Variants in NEXMIF observed in about 807,000 individuals in gnomAD.
NEXMIF encodes XLMR protein related to neurite extension.
A neutral mutation model predicts 62.1 loss-of-function variants in NEXMIF; 8 were observed. The observed-to-expected ratio is 0.13, with a 90% confidence interval of 0.08 to 0.23. The LOEUF is 0.23. Among genes scored for constraint, NEXMIF ranks in the 10% least tolerant of loss-of-function variants. NEXMIF has a pLI of 1.00. For synonymous variants in NEXMIF, 404 were observed against 416.6 expected (o/e 0.97, Z 0.37); for missense variants, 976 against 1,113.3 (o/e 0.88, Z 1.75).
intron 1 of NEXMIF, among the ~76,000 whole-genome samples, chrX:74,814,525 C>T (rs1027146874): frequency 4.5e-5 from 5 of 111,831 alleles, no homozygotes; most frequent in Non-Finnish European, 9.4e-5. Flanking sequence ...AGGTCTCTTG[C>T]TATTTCCTGG....
At chrX:74,870,087 G>A (rs902414330) in intron 1 of NEXMIF, among the ~76,000 whole-genome samples, 4 of 111,393 alleles carry the variant, frequency 3.6e-5, no homozygotes, top group African/African-American at 1.3e-4. Context: ...CAGAGCTATA[G>A]TAACCAAAAG....
intron 1 of NEXMIF, among the ~76,000 whole-genome samples, chrX:74,841,951 G>T (rs1014743875): frequency 9.0e-6 from 1 of 111,534 alleles, no homozygotes; most frequent in African/African-American, 3.3e-5. Context: ...TTTTGCTGTT[G>T]TGTCTCCGCC....
chrX:74,761,178 T>C (rs186680525), intron 1 of NEXMIF, among the ~76,000 whole-genome samples: 1 of 111,062 alleles, frequency 9.0e-6, no homozygotes, highest in Non-Finnish European at 1.9e-5. Context: ...CCCAAAGTTT[T>C]ATTTTTTGTT....
At chrX:74,801,175 A>G (rs1367340379) in intron 1 of NEXMIF, among the ~76,000 whole-genome samples, 2 of 112,041 alleles carry the variant, frequency 1.8e-5, no homozygotes, top group Non-Finnish European at 3.8e-5. Context: ...AGTGCTGAAT[A>G]ATATTTCATT....
chrX:74,738,155 T>C lies in NEXMIF; in HGVS notation c.*1250A>G, dbSNP rs990021871. On this transcript the variant is annotated 3_prime_UTR_variant, in exon 4 of 4. Coordinates refer to ENST00000055682, the MANE Select transcript of NEXMIF (RefSeq NM_001008537.3). ...AGTAGGGGGAGTACTGAATAAAAAA[T>C]GTGATTTAAAAATTTGTACTTAAAA... 1.9e-4 allele frequency: 21 copies of C among 111,557 alleles called. No homozygotes were observed. The highest frequency in any genetic ancestry group is 6.8e-4 in the African/African-American group (21 of 30,705). 9.2% of individuals were successfully genotyped at this position (111,557 alleles called of 1,213,427 possible). A position where few individuals can be genotyped will look rare whatever the true frequency, so the allele number is the denominator to read the frequency against.
intron 1 of NEXMIF, among the ~76,000 whole-genome samples, chrX:74,919,861 T>G (rs1292237669): frequency 9.1e-6 from 1 of 110,204 alleles, no homozygotes; most frequent in Non-Finnish European, 1.9e-5. Flanking sequence ...CACCTATGAG[T>G]GAGAACACGC....
chrX:74,743,060 T>C lies in NEXMIF; in HGVS notation c.1497A>G (p.Leu499=), dbSNP rs1400338157. 8.3e-7 allele frequency: 1 copy of C among 1,210,177 alleles called. No homozygotes were observed. Among genetic ancestry groups the C allele is most frequent in the Non-Finnish European group, 1.1e-6 (1 of 894,336 alleles). The part of the protein sequence containing the change: ...SEDYLYDVDS[L]EGEKVNERKE... The stretch of plus-strand genomic sequence containing the variant: ...TCCTCTCATTTACTTTTTCACCCTC[T>C]AGTGAGTCAACATCATATAGATAAT... Residue 499 remains leucine, a synonymous_variant, in exon 3 of 4, where the codon CTA becomes CTG. Coordinates refer to ENST00000055682, the MANE Select transcript of NEXMIF (RefSeq NM_001008537.3).
chrX:74,845,189 T>G lies in NEXMIF; in HGVS notation c.-48+79694A>C, dbSNP rs370799183. ...TACATGCTGAGTGGCAGGAGTGACATAGAGTATTAGAAGCCATCTTAAATA... is the reference window on the plus strand; with the variant it reads ...TACATGCTGAGTGGCAGGAGTGACAGAGAGTATTAGAAGCCATCTTAAATA... On this transcript the variant is annotated intron_variant, in intron 1 of 3. Transcript: ENST00000055682. 7.2e-5 allele frequency among the ~76,000 whole-genome samples: 8 copies of G among 110,986 alleles called. 1 individual carries two copies. The East Asian group carries it at 1.7e-3, about 24-fold the overall frequency.
At chrX:74,782,223 C>T (rs2080249282) in intron 1 of NEXMIF, among the ~76,000 whole-genome samples, 1 of 111,614 alleles carries the variant, frequency 9.0e-6, no homozygotes, top group Admixed American at 9.5e-5. Flanking sequence ...CTGGAGTTGG[C>T]AGCTTCTTCT....
In NEXMIF at chrX:74,740,349, C is replaced by T. The variant is rs1402037839; in HGVS notation, c.4208G>A (p.Gly1403Glu). The T allele has an allele frequency of 1.7e-6, 2 of 1,211,799 alleles. No homozygotes were observed. The highest frequency in any genetic ancestry group is 4.3e-5 in the Admixed American group (2 of 46,037). Residue 1403 changes from glycine (G) to glutamate (E), a missense_variant, in exon 3 of 4, where the codon GGG (glycine) becomes GAG (glutamate). By Grantham distance (98) the Gly-to-Glu change is moderately conservative. This residue lies in a region of NEXMIF where 137 missense variants were observed against 128.9 expected (regional missense o/e 1.06). Coordinates refer to ENST00000055682, the MANE Select transcript of NEXMIF (RefSeq NM_001008537.3). ...ACCAGGATCACCTATTGCTGTTTTC[C>T]CATTGCTTTTGCTCACACCCTTGAT... ...RSIKGVSKSN[G>E]KTAIGDPGRA...
chrX:74,773,525 C>T (rs2080217515), intron 1 of NEXMIF, among the ~76,000 whole-genome samples: 1 of 110,652 alleles, frequency 9.0e-6, no homozygotes, highest in African/African-American at 3.3e-5. Flanking sequence ...TGGACTGACT[C>T]GCCCCAAGAC....
chrX:74,889,982 TTC>T (rs2080712081), intron 1 of NEXMIF, among the ~76,000 whole-genome samples: 1 of 95,205 alleles, frequency 1.1e-5, no homozygotes, highest in East Asian at 4.2e-4. Context: ...CTCTCTCTCA[TTC>T]TCTCTCATTC....
intron 1 of NEXMIF, among the ~76,000 whole-genome samples, chrX:74,869,626 C>T (rs1341996461): frequency 1.8e-5 from 2 of 111,870 alleles, no homozygotes; most frequent in South Asian, 3.7e-4. Flanking sequence ...AGTAAAGTTG[C>T]AGAATATGCT....
intron 1 of NEXMIF, among the ~76,000 whole-genome samples, chrX:74,921,955 G>A (rs773400959): frequency 1.6e-4 from 18 of 111,558 alleles, no homozygotes; most frequent in Non-Finnish European, 1.5e-4. Context: ...CCTTACTAAG[G>A]GATATACAGA....
At position 74,740,813 on chromosome X, in the gene NEXMIF, G is replaced by T. The variant is rs1306603726; in HGVS notation, c.3744C>A (p.Thr1248=). ...QIGIGRGGSQ[T]NTISSTGKTL... is the part of the protein sequence containing the mutation. ...TCTTCCCAGTGGAGGATATGGTGTT[G>T]GTTTGGCTTCCCCCACGGCCAATGC... is the stretch of plus-strand genomic sequence containing the variant. Residue 1248 remains threonine (T), a synonymous_variant, in exon 3 of 4, where the codon ACC becomes ACA. Coordinates refer to ENST00000055682, the MANE Select transcript of NEXMIF (RefSeq NM_001008537.3). The T allele has an allele frequency of 1.7e-6, 2 of 1,210,500 alleles. No homozygotes were observed. Among genetic ancestry groups the T allele is most frequent in the Non-Finnish European group, 2.2e-6 (2 of 895,179 alleles).
intron 1 of NEXMIF, among the ~76,000 whole-genome samples, chrX:74,788,874 C>A (rs900428138): frequency 1.8e-5 from 2 of 111,406 alleles, no homozygotes; most frequent in Non-Finnish European, 3.8e-5. Context: ...AGAGTGCCAG[C>A]AAGTACCCCG....
At chrX:74,907,434 C>A (rs1246230416) in intron 1 of NEXMIF, among the ~76,000 whole-genome samples, 2 of 105,911 alleles carry the variant, frequency 1.9e-5, no homozygotes, top group Admixed American at 1.0e-4. Context: ...CACTCTGTAC[C>A]TGATAGAGAG....
chrX:74,788,994 A>G (rs1349686019), intron 1 of NEXMIF, among the ~76,000 whole-genome samples: 2 of 109,525 alleles, frequency 1.8e-5, no homozygotes, highest in African/African-American at 3.3e-5. Flanking sequence ...TTTTTATTAT[A>G]CTTTTAAGTT....
At chrX:74,754,467 C>A (rs1270348669) in intron 1 of NEXMIF, among the ~76,000 whole-genome samples, 2 of 107,574 alleles carry the variant, frequency 1.9e-5, no homozygotes, top group Non-Finnish European at 3.8e-5. Context: ...TGACACCACG[C>A]CTGGCTAATT....
Sources: gnomAD v4.1 joint callset for allele counts (sites outside exome capture counted in the v4.1 genomes callset) on GRCh38, gnomAD v4.1.1 for gene constraint, gnomAD v4.1.1 regional missense constraint, MANE v1.5 for transcripts, NCBI Gene and HGNC (gene_info 2026-07-23, HGNC 2026-07-21) for gene names.